Variants in MAP3K9 observed in about 807,000 individuals in gnomAD.
MAP3K9 encodes mixed lineage kinase 1 (tyr and ser/thr specificity).
MAP3K9 carries 46 observed loss-of-function variants against 95.8 expected under a neutral mutation model. The observed-to-expected ratio is 0.48, with a 90% CI of 0.38 to 0.61. The LOEUF is 0.61. MAP3K9 is among the 20% of genes least tolerant of loss of function. The pLI is 0.00. For missense variants in MAP3K9, 1,296 were observed against 1,474.3 expected (o/e 0.88, Z 1.98); for synonymous variants, 533 against 593.8 (o/e 0.90, Z 1.49).
intron 11 of MAP3K9, among the ~76,000 whole-genome samples, chr14:70,731,179 C>T (rs1485300588): frequency 6.6e-6 from 1 of 152,012 alleles, no homozygotes; most frequent in Non-Finnish European, 1.5e-5. Context: ...AGTACAGTGG[C>T]TCATGCCTAT....
At chr14:70,784,408 G>A (rs542221147) in intron 2 of MAP3K9, among the ~76,000 whole-genome samples, 1 of 152,276 alleles carries the variant, frequency 6.6e-6, no homozygotes, top group Admixed American at 6.5e-5. Flanking sequence ...CTGGACAGCT[G>A]TATGCAAGCA....
At chr14:70,759,821 C>T (rs930933127) in intron 3 of MAP3K9, among the ~76,000 whole-genome samples, 3 of 152,210 alleles carry the variant, frequency 2.0e-5, no homozygotes, top group Non-Finnish European at 4.4e-5. Context: ...GTGGTGCAAT[C>T]ACAGCTCACT....
chr14:70,744,202 G>A (rs1360859107), intron 5 of MAP3K9, among the ~76,000 whole-genome samples: 1 of 152,100 alleles, frequency 6.6e-6, no homozygotes, highest in Admixed American at 6.5e-5. Flanking sequence ...GTGGGAGTGG[G>A]GGGCTAGGGG....
intron 2 of MAP3K9, among the ~76,000 whole-genome samples, chr14:70,765,924 T>C (rs998685358): frequency 6.6e-6 from 1 of 151,976 alleles, no homozygotes; most frequent in Non-Finnish European, 1.5e-5. Context: ...CATTAAGTGA[T>C]GTGTGACTGT....
At chr14:70,738,155 C>A (rs1013248133) in intron 8 of MAP3K9, 90 bp downstream of exon 8, 5 of 1,342,176 alleles carry the variant, frequency 3.7e-6, no homozygotes, top group Non-Finnish European at 4.0e-6. Flanking sequence ...ATCAAACACA[C>A]GACAGAGAAA....
At chr14:70,756,218 C>G (rs1566744050) in intron 3 of MAP3K9, among the ~76,000 whole-genome samples, 1 of 152,170 alleles carries the variant, frequency 6.6e-6, no homozygotes, top group Non-Finnish European at 1.5e-5. Context: ...CTTTCCCTTC[C>G]CACTGGGAAG....
intron 3 of MAP3K9, among the ~76,000 whole-genome samples, chr14:70,757,783 AC>A (rs1384337597): frequency 6.6e-6 from 1 of 152,178 alleles, no homozygotes; most frequent in Non-Finnish European, 1.5e-5. Flanking sequence ...GATAAAAGTG[AC>A]CAAATAATTC....
In MAP3K9 at chr14:70,738,279, G is replaced by A. The variant is rs780897561; in HGVS notation, c.1810C>T (p.Leu604Phe). The A allele has an allele frequency of 1.9e-6, 3 of 1,612,576 alleles. No individual in the cohort carries two copies. The African/African-American group carries it at 4.0e-5, about 22-fold the overall frequency. ...KKGRTWGPGT[L>F]GQKELASGDE... ...CCCGAGGCAAGCTCCTTCTGACCAA[G>A]CGTCCCTGGCCCCCACGTCCGTCCC... The change falls in exon 8 of 12, where the codon CTT becomes TTT. Residue 604 changes from leucine (L) to phenylalanine (F), a missense_variant. By Grantham distance (22) the Leu-to-Phe change is conservative. Around this residue, in one of 5 missense-constraint regions of MAP3K9, gnomAD observed 377 missense variants for 417.1 expected, o/e 0.90. Coordinates refer to ENST00000554752, the MANE Select transcript of MAP3K9 (RefSeq NM_001284230.2).
rs1362147173 is a variant in MAP3K9, at chr14:70,724,073, C to T, written c.*6307G>A. 2.0e-5 allele frequency: 3 copies of T among 152,146 alleles called. No homozygotes were observed. The highest frequency in any genetic ancestry group is 4.4e-5 in the Non-Finnish European group (3 of 68,022). 9.4% of individuals were successfully genotyped at this position (152,146 alleles called of 1,614,324 possible). ...GCATGCCAGGGAGTGAAAAAGCCTCCGTTCACTTTAGTCCCTTCTGAAATC... is the reference window on the plus strand; with the variant it reads ...GCATGCCAGGGAGTGAAAAAGCCTCTGTTCACTTTAGTCCCTTCTGAAATC... On this transcript the variant is annotated 3_prime_UTR_variant, in exon 12 of 12. Transcript: ENST00000554752.
chr14:70,808,447 T>C (rs1184152830), intron 1 of MAP3K9, among the ~76,000 whole-genome samples: 2 of 97,364 alleles, frequency 2.1e-5, no homozygotes, highest in African/African-American at 3.9e-5. Context: ...GGCGGGGGGG[T>C]GGGTAAGAGA....
chr14:70,803,337 TAAAAAAAAAAA>T (rs10583563), intron 1 of MAP3K9, among the ~76,000 whole-genome samples: 1 of 75,200 alleles, frequency 1.3e-5, no homozygotes, highest in South Asian at 4.3e-4. Context: ...ATTCAGATCT[TAAAAAAAAAAA>T]AAAAAAAAAA....
In MAP3K9 at chr14:70,742,465, T is replaced by C; in HGVS notation, c.1453A>G (p.Asn485Asp). 6.2e-7 allele frequency: 1 copy of C among 1,614,216 alleles called. No homozygotes were observed. Among genetic ancestry groups the C allele is most frequent in the Non-Finnish European group, 8.5e-7 (1 of 1,180,014 alleles). Residue 485 changes from asparagine (N) to aspartate (D), a missense_variant, in exon 6 of 12, where the codon AAC (asparagine) becomes GAC (aspartate). Around this residue, in one of 5 missense-constraint regions of MAP3K9, gnomAD observed 377 missense variants for 417.1 expected, o/e 0.90. Transcript: ENST00000554752. ...REIDILERELNIIIHQLCQEK... is the reference protein window; with the variant it reads ...REIDILERELDIIIHQLCQEK... The stretch of plus-strand genomic sequence containing the variant: ...TGGCACAGCTGGTGGATGATGATGT[T>C]GAGCTCCCGTTCCAGGATGTCAATC...
chr14:70,760,178 C>CACAG (rs755367616), intron 3 of MAP3K9, among the ~76,000 whole-genome samples: 9 of 151,326 alleles, frequency 5.9e-5, no homozygotes, highest in African/African-American at 9.7e-5. Context: ...CACACATACA[C>CACAG]AGCTCACTTT....
chr14:70,800,537 A>C (rs762761473), intron 2 of MAP3K9, 130 bp downstream of exon 2: 1 of 917,770 alleles, frequency 1.1e-6, no homozygotes, highest in Non-Finnish European at 1.7e-6. Flanking sequence ...TCTCCATTCA[A>C]GGATGGAATG....
intron 3 of MAP3K9, 106 bp downstream of exon 3, chr14:70,760,896 C>T (rs2054364499): frequency 3.2e-6 from 4 of 1,249,844 alleles, no homozygotes; most frequent in African/African-American, 1.5e-5. Flanking sequence ...CTTAGACCTA[C>T]TTCAGGTGCC....
chr14:70,755,131 T>A (rs953159434), intron 3 of MAP3K9, among the ~76,000 whole-genome samples: 1 of 152,088 alleles, frequency 6.6e-6, no homozygotes, highest in African/African-American at 2.4e-5. Flanking sequence ...TCCAGGAGGG[T>A]TGAGGTGTGG....
chr14:70,752,407 C>T (rs977443455), intron 3 of MAP3K9, among the ~76,000 whole-genome samples: 2 of 152,182 alleles, frequency 1.3e-5, no homozygotes, highest in Non-Finnish European at 2.9e-5. Flanking sequence ...TGGGAGTGAG[C>T]GCATGGTCAG....
chr14:70,767,417 T>C (rs920512720), intron 2 of MAP3K9, among the ~76,000 whole-genome samples: 5 of 149,736 alleles, frequency 3.3e-5, no homozygotes, highest in Non-Finnish European at 7.4e-5. Flanking sequence ...AGAACTCATC[T>C]CTTGCTGGTC....
intron 2 of MAP3K9, among the ~76,000 whole-genome samples, chr14:70,775,340 A>T (rs2054583937): frequency 6.6e-6 from 1 of 152,120 alleles, no homozygotes; most frequent in African/African-American, 2.4e-5. Flanking sequence ...TAACTTTTCC[A>T]CATCTAGGAA....
Sources: allele counts gnomAD v4.1 joint callset (sites outside exome capture counted in the v4.1 genomes callset), GRCh38; gene constraint gnomAD v4.1.1; regional missense constraint gnomAD v4.1.1; transcripts MANE v1.5; gene names NCBI Gene and HGNC (gene_info 2026-07-23, HGNC 2026-07-21).